Variants in TANC2 observed in about 807,000 individuals in gnomAD.
The protein encoded by TANC2 is protein TANC2.
A neutral mutation model predicts 210.5 loss-of-function variants in TANC2; 26 were observed. That is an observed-to-expected ratio of 0.12 (90% CI 0.09 to 0.17). The LOEUF (loss-of-function observed/expected upper bound fraction) is 0.17, where lower values mean the gene tolerates loss of function less well. Among genes scored for constraint, TANC2 ranks in the 10% least tolerant of loss-of-function variants. The pLI is 1.00. For synonymous variants in TANC2, 931 were observed against 967.1 expected, an observed-to-expected ratio of 0.96 and a Z score of 0.69; for missense variants, 2,129 against 2,608.9, an observed-to-expected ratio of 0.82 and a Z score of 4.01.
chr17:63,355,887 T>C (rs887342074), intron 14 of TANC2, among the ~76,000 whole-genome samples: 1 of 152,168 alleles, frequency 6.6e-6, no homozygotes, highest in Non-Finnish European at 1.5e-5. Context: ...ATCTTAAACC[T>C]CCTAGCTGAA....
intron 14 of TANC2, among the ~76,000 whole-genome samples, chr17:63,377,798 A>G (rs1217849840): frequency 6.6e-6 from 1 of 152,188 alleles, no homozygotes; most frequent in African/African-American, 2.4e-5. Flanking sequence ...AAACTGGGTG[A>G]TTTATAAAGA....
chr17:63,280,886 A>G (rs1159536710), intron 9 of TANC2, among the ~76,000 whole-genome samples: 1 of 152,152 alleles, frequency 6.6e-6, no homozygotes, highest in Non-Finnish European at 1.5e-5. Flanking sequence ...TAAGCTAAAA[A>G]TATTCCTCTC....
Position 63,384,110 on chromosome 17 carries a change from C to T in TANC2, c.2691+4284C>T, listed in dbSNP as rs571938559. Among the ~76,000 whole-genome samples, 20 of 152,152 alleles carry T rather than the reference C, an allele frequency of 1.3e-4. No individual in the cohort carries two copies. The South Asian group carries it at 3.9e-3, about 30-fold the overall frequency. ...TTTGGAGACAAGGTCTTACTCTTCA[C>T]CCCGGCTGGAGTATAGTGGCACAAT... On this transcript the variant is annotated intron_variant, in intron 15 of 27. Transcript: ENST00000689528.
chr17:63,420,333 G>A lies in TANC2; in HGVS notation c.4603G>A (p.Asp1535Asn), dbSNP rs1183156540. ...CCCACCCTCCTCTCCCCCGCATCGG[G>A]ACTCAGCCTACATCTCCAGCTCACC... is the stretch of plus-strand genomic sequence containing the variant. Residue 1535 changes from aspartate (D) to asparagine (N), a missense_variant, in exon 28 of 28, where the codon GAC becomes AAC. Around this residue, in one of 5 missense-constraint regions of TANC2, gnomAD observed 584 missense variants for 627.3 expected, o/e 0.93. Transcript: ENST00000689528. The surrounding 1 kb of genome is among the most constrained non-coding windows in gnomAD (Gnocchi z 4.2). The A allele has an allele frequency of 1.2e-6, 2 of 1,613,898 alleles. No individual in the cohort carries two copies. The highest frequency in any genetic ancestry group is 2.2e-5 in the South Asian group (2 of 91,084).
intron 8 of TANC2, among the ~76,000 whole-genome samples, chr17:63,251,328 G>A (rs963389571): frequency 2.0e-5 from 3 of 152,118 alleles, no homozygotes; most frequent in Non-Finnish European, 4.4e-5. Context: ...TAAGTTTGAC[G>A]CAGTTTGACC....
chr17:63,029,081 C>T (rs1268808439), intron 2 of TANC2, among the ~76,000 whole-genome samples: 1 of 152,026 alleles, frequency 6.6e-6, no homozygotes, highest in Non-Finnish European at 1.5e-5. Context: ...TCTCTTCATA[C>T]AGTTGATTCA....
chr17:63,299,381 T>A (rs1379404530), intron 9 of TANC2, among the ~76,000 whole-genome samples: 1 of 152,168 alleles, frequency 6.6e-6, no homozygotes, highest in Non-Finnish European at 1.5e-5. Context: ...TAATTTATAT[T>A]CCCACCAACA....
At chr17:63,187,365 G>T (rs941631973) in intron 5 of TANC2, among the ~76,000 whole-genome samples, 2 of 152,148 alleles carry the variant, frequency 1.3e-5, no homozygotes, top group African/African-American at 4.8e-5. Context: ...GCAGTTTGAT[G>T]ATTAAATTAG....
intron 10 of TANC2, among the ~76,000 whole-genome samples, chr17:63,314,980 A>C (rs376457440): frequency 6.6e-6 from 1 of 152,142 alleles, no homozygotes; most frequent in Admixed American, 6.5e-5. Context: ...AGCAATTTGC[A>C]TTCATCACTG....
intron 11 of TANC2, among the ~76,000 whole-genome samples, chr17:63,338,358 A>G (rs762795426): frequency 5.9e-5 from 9 of 152,316 alleles, no homozygotes; most frequent in African/African-American, 1.9e-4. Context: ...AAATCAGTAA[A>G]ATAATGCTTT....
rs376741426 is a variant in TANC2, at chr17:63,421,766, C to T, written c.6036C>T (p.Asn2012=). 1.7e-4 allele frequency: 268 copies of T among 1,613,912 alleles called. No homozygotes were observed. Among genetic ancestry groups the T allele is most frequent in the Non-Finnish European group, 2.0e-4 (240 of 1,179,890 alleles). ...ACAGCCCCCATGGGATGCTGGCTAA[C>T]GGGTCTCGTGGAGACCTCTTGGAGC... The change falls in exon 28 of 28, where the codon AAC becomes AAT. Residue 2012 remains asparagine (N), a synonymous_variant. Coordinates refer to ENST00000689528, the Ensembl canonical transcript of TANC2. This position sits in a 1 kb window ranked among gnomAD's most constrained non-coding sequence, Gnocchi z 6.9.
intron 4 of TANC2, among the ~76,000 whole-genome samples, chr17:63,109,267 C>T (rs1375429655): frequency 1.3e-5 from 2 of 151,520 alleles, no homozygotes; most frequent in Non-Finnish European, 2.9e-5. Flanking sequence ...AAGCCAGTTT[C>T]CTTGAAAAGA....
At chr17:63,246,898 A>G (rs1034160612) in intron 8 of TANC2, among the ~76,000 whole-genome samples, 1 of 152,162 alleles carries the variant, frequency 6.6e-6, no homozygotes, top group Admixed American at 6.5e-5. Flanking sequence ...ATGTTTTTCT[A>G]AAAGTAGCTG....
At chr17:63,033,358 A>C (rs561213490) in intron 2 of TANC2, among the ~76,000 whole-genome samples, 3 of 152,284 alleles carry the variant, frequency 2.0e-5, no homozygotes, top group East Asian at 3.9e-4. Context: ...TCCTGAAGCT[A>C]TTCTGGGGCT....
At chr17:63,102,839 C>T (rs570448250) in intron 4 of TANC2, among the ~76,000 whole-genome samples, 2 of 152,136 alleles carry the variant, frequency 1.3e-5, no homozygotes, top group Non-Finnish European at 2.9e-5. Context: ...TTCAACCAAA[C>T]ACAGATTGAA....
chr17:63,379,476 C>T (rs2047532619), intron 14 of TANC2, among the ~76,000 whole-genome samples: 1 of 152,152 alleles, frequency 6.6e-6, no homozygotes, highest in Non-Finnish European at 1.5e-5. Flanking sequence ...TCGAGACCAG[C>T]CTGGCCAACA....
intron 8 of TANC2, among the ~76,000 whole-genome samples, chr17:63,257,156 T>C (rs1358758439): frequency 6.6e-6 from 1 of 151,986 alleles, no homozygotes; most frequent in Non-Finnish European, 1.5e-5. Flanking sequence ...AAGGTTGTTA[T>C]TGATGAGGAA....
chr17:63,285,902 C>A (rs2044206777), intron 9 of TANC2, among the ~76,000 whole-genome samples: 1 of 152,068 alleles, frequency 6.6e-6, no homozygotes, highest in Non-Finnish European at 1.5e-5. Context: ...CCGTTCTTAC[C>A]AGTTCTGGGA....
chr17:63,397,733 T>A (rs2048214716), intron 18 of TANC2, among the ~76,000 whole-genome samples: 2 of 152,228 alleles, frequency 1.3e-5, no homozygotes, highest in Non-Finnish European at 2.9e-5. Flanking sequence ...ACAATCAATA[T>A]AAATAACCTC....
Sources: allele counts gnomAD v4.1 joint callset (sites outside exome capture counted in the v4.1 genomes callset), GRCh38; gene constraint gnomAD v4.1.1; regional missense constraint gnomAD v4.1.1; non-coding constraint Gnocchi (gnomAD v3.1); transcripts MANE v1.5; gene names NCBI Gene and HGNC (gene_info 2026-07-23, HGNC 2026-07-21).